The following PASK variants were observed in gnomAD, a reference collection of about 807,000 sequenced individuals.
PASK encodes the protein PAS domain-containing serine/threonine-protein kinase.
Under a neutral mutation model 121.0 loss-of-function variants are expected in PASK, and 110 were observed. The ratio of observed to expected loss-of-function variants is 0.91; its 90% CI spans 0.78 to 1.06. The LOEUF is 1.06. Ranked by LOEUF, PASK falls within the 50% of genes least tolerant of loss-of-function variation. PASK has a pLI of 0.00. For missense variants in PASK, 1,643 were observed against 1,702.3 expected (o/e 0.97, Z 0.61); for synonymous variants, 686 against 717.8 (o/e 0.96, Z 0.71).
intron 1 of PASK, among the ~76,000 whole-genome samples, chr2:241,148,163 A>ACCCAAACC (rs1159657398): frequency 6.6e-6 from 1 of 152,190 alleles, no homozygotes; most frequent in Non-Finnish European, 1.5e-5. Flanking sequence ...AACCCAGCAG[A>ACCCAAACC]CAGCACCTAA....
At position 241,112,710 on chromosome 2, in the gene PASK, A is replaced by G. The variant is rs929123353; in HGVS notation, c.3334-271T>C. On this transcript the variant is annotated intron_variant, in intron 14 of 17. Coordinates refer to ENST00000234040, the MANE Select transcript of PASK (RefSeq NM_015148.4). This position sits in a 1 kb window ranked among gnomAD's most constrained non-coding sequence, Gnocchi z 5.2. ...CTCGTGAGTTCTGTTTGCTGCTGAG[A>G]AAAGCTTCCCAGCAGACACTCGCCC... is the stretch of plus-strand genomic sequence containing the variant. 5 of 423,778 alleles carry G rather than the reference A, an allele frequency of 1.2e-5. No individual in the cohort carries two copies. Among genetic ancestry groups the G allele is most frequent in the African/African-American group, 1.0e-4 (5 of 49,334 alleles). The allele number at this position is 423,778 out of a possible 1,614,324, so 26.3% of individuals were successfully genotyped here. A position where few individuals can be genotyped will look rare whatever the true frequency, so the allele number is the denominator to read the frequency against.
intron 10 of PASK, among the ~76,000 whole-genome samples, chr2:241,124,892 C>T (rs2065784981): frequency 1.3e-5 from 2 of 152,220 alleles, no homozygotes; most frequent in South Asian, 2.1e-4. Context: ...TACAGCCAGG[C>T]ATGGTGGCTC....
rs573368930 is a variant in PASK, at chr2:241,142,931, A to C, written c.102T>G (p.Thr34=). ...VSAEGPAAQT[T]AEPSRSFSSA... ...AGGAAAACGACCTGCTGGGCTCAGC[A>C]GTGGTCTGTGCAGCTGGGCCCTCTG... The change falls in exon 2 of 18, where the codon ACT becomes ACG. Residue 34 remains threonine, a synonymous_variant. Transcript: ENST00000234040. The C allele has an allele frequency of 6.2e-7, 1 of 1,613,720 alleles. No homozygotes were observed. Among genetic ancestry groups the C allele is most frequent in the Non-Finnish European group, 8.5e-7 (1 of 1,179,738 alleles).
intron 9 of PASK, among the ~76,000 whole-genome samples, chr2:241,129,113 A>G (rs1423728465): frequency 6.6e-6 from 1 of 151,906 alleles, no homozygotes; most frequent in Non-Finnish European, 1.5e-5. Flanking sequence ...CCCCATGCAA[A>G]TGCTAGGAAA....
At chr2:241,142,318 A>G (rs551517701) in intron 2 of PASK, among the ~76,000 whole-genome samples, 16 of 152,320 alleles carry the variant, frequency 1.1e-4, no homozygotes, top group African/African-American at 3.8e-4. Context: ...TCCATCAGAC[A>G]GCCCCTGAAA....
At chr2:241,139,716 A>G in intron 4 of PASK, 169 bp downstream of exon 4, 1 of 727,278 alleles carries the variant, frequency 1.4e-6, no homozygotes. Context: ...CCCCCACTGC[A>G]GCTGAAGCGG....
At chr2:241,118,963 G>A in intron 12 of PASK, 1 of 1,018,250 alleles carries the variant, frequency 9.8e-7, no homozygotes, top group Non-Finnish European at 1.2e-6. Context: ...GGCTGGCAAG[G>A]GCAGCACCCC....
chr2:241,144,525 T>A (rs1025692047), intron 1 of PASK, among the ~76,000 whole-genome samples: 1 of 152,176 alleles, frequency 6.6e-6, no homozygotes, highest in Non-Finnish European at 1.5e-5. Context: ...ACCTTCTGGG[T>A]ATCCAGAACC....
intron 9 of PASK, among the ~76,000 whole-genome samples, chr2:241,128,727 G>A (rs1038097060): frequency 2.6e-5 from 4 of 152,090 alleles, no homozygotes; most frequent in Non-Finnish European, 2.9e-5. Flanking sequence ...ATTAGCCAGC[G>A]TGGTGACACA....
chr2:241,133,770 G>A (rs1454295962), intron 8 of PASK: 1 of 153,370 alleles, frequency 6.5e-6, no homozygotes. Context: ...ATCACCTGAG[G>A]CTGGGAGTTC....
In PASK at chr2:241,126,878, G is replaced by A. The variant is rs190565782; in HGVS notation, c.2037C>T (p.His679=). 86 of 1,613,178 alleles carry A rather than the reference G, an allele frequency of 5.3e-5. No homozygotes were observed. The East Asian group carries it at 1.5e-3, about 28-fold the overall frequency. The part of the protein sequence containing the change: ...LSLAGALDVP[H]AELVPTECQA... Reference sequence around the variant, plus strand: ...GGCACTCTGTCGGAACGAGTTCGGCGTGGGGGACATCCAGGGCTCCTGCAA... The same window carrying A: ...GGCACTCTGTCGGAACGAGTTCGGCATGGGGGACATCCAGGGCTCCTGCAA... The change falls in exon 10 of 18, where the codon CAC becomes CAT. Residue 679 remains histidine (H), a synonymous_variant. Coordinates refer to ENST00000234040, the MANE Select transcript of PASK (RefSeq NM_015148.4).
rs2065483150 is a variant in PASK at position 241,118,875 on chromosome 2, C to T, written c.3073-3462G>A. 3 of 992,128 alleles carry T rather than the reference C, an allele frequency of 3.0e-6. No homozygotes were observed. In the East Asian group the frequency reaches 2.2e-4, roughly 72 times the overall value. The allele number at this position is 992,128 out of a possible 1,614,324, so 61.5% of individuals were successfully genotyped here. On this transcript the variant is annotated intron_variant, in intron 12 of 17. Transcript: ENST00000234040. ...GGAGGCCATGATGGGGCACTTCCCGCAGCTCCTGGACCCGCAGCAGCTGGC... is the reference window on the plus strand; with the variant it reads ...GGAGGCCATGATGGGGCACTTCCCGTAGCTCCTGGACCCGCAGCAGCTGGC...
chr2:241,114,198 C>CT (rs28381986), intron 14 of PASK: 337,776 of 984,546 alleles, frequency 0.34, 61,659 homozygotes, highest in Non-Finnish European at 0.37. Flanking sequence ...AGAGGTGACC[C>CT]TTTTTTGCAG....
At chr2:241,135,463 G>A (rs757761758) in intron 8 of PASK, among the ~76,000 whole-genome samples, 6 of 152,078 alleles carry the variant, frequency 3.9e-5, no homozygotes, top group Admixed American at 1.3e-4. Context: ...GTGTATAAGT[G>A]GACCCTCTAA....
At chr2:241,130,474 AC>A (rs2066074130) in intron 9 of PASK, among the ~76,000 whole-genome samples, 1 of 152,134 alleles carries the variant, frequency 6.6e-6, no homozygotes, top group African/African-American at 2.4e-5. Flanking sequence ...CAACGGGAGC[AC>A]TGGCAAGGGG....
intron 1 of PASK, among the ~76,000 whole-genome samples, chr2:241,146,321 A>G (rs933236813): frequency 2.0e-5 from 3 of 152,246 alleles, no homozygotes; most frequent in Admixed American, 6.5e-5. Flanking sequence ...ACATTTGTCT[A>G]TATGGATACA....
intron 1 of PASK, among the ~76,000 whole-genome samples, chr2:241,143,575 G>A (rs1477731563): frequency 6.6e-6 from 1 of 151,944 alleles, no homozygotes; most frequent in East Asian, 1.9e-4. Flanking sequence ...AAAAAAAGAA[G>A]CTCTTTCCAA....
chr2:241,140,161 G>A, intron 3 of PASK, 106 bp from the exon 4 acceptor site: 1 of 891,250 alleles, frequency 1.1e-6, no homozygotes, highest in South Asian at 1.4e-5. Context: ...TTTCCTGACA[G>A]ACAGGGTCTC....
At chr2:241,125,981 G>T (rs910498425) in intron 10 of PASK, among the ~76,000 whole-genome samples, 19 of 152,352 alleles carry the variant, frequency 1.2e-4, no homozygotes, top group African/African-American at 4.1e-4. Context: ...GGGGCAGGTG[G>T]CCTGGGACCT....
Sources: allele counts gnomAD v4.1 joint callset (sites outside exome capture counted in the v4.1 genomes callset), GRCh38; gene constraint gnomAD v4.1.1; non-coding constraint Gnocchi (gnomAD v3.1); transcripts MANE v1.5; gene names NCBI Gene and HGNC (gene_info 2026-07-23, HGNC 2026-07-21).